Variants in PAX2 observed in about 807,000 individuals in gnomAD.
The protein encoded by PAX2 is paired box 2, also known as paired box protein Pax-2.
PAX2 carries 9 observed loss-of-function variants against 41.7 expected under a neutral mutation model. The ratio of observed to expected loss-of-function variants is 0.22; its 90% CI spans 0.13 to 0.38. The LOEUF (loss-of-function observed/expected upper bound fraction) is 0.38, where lower values mean the gene tolerates loss of function less well. Among genes scored for constraint, PAX2 ranks in the 10% least tolerant of loss-of-function variants. The pLI is 1.00. For missense variants in PAX2, 418 were observed against 531.6 expected (o/e 0.79, Z 2.10); for synonymous variants, 221 against 212.7 (o/e 1.04, Z -0.34).
intron 3 of PAX2, among the ~76,000 whole-genome samples, chr10:100,760,467 C>A (rs1056116565): frequency 6.6e-6 from 1 of 152,186 alleles, no homozygotes; most frequent in African/African-American, 2.4e-5. Flanking sequence ...AGTCTGTGTG[C>A]ATGCACAAGT....
exon 1 of PAX2, chr10:100,735,529 C>T: frequency 2.9e-6 from 1 of 339,432 alleles, no homozygotes; most frequent in Non-Finnish European, 4.6e-6. Context: ...AGAGCGGGCG[C>T]GGGCGGAGCA....
intron 3 of PAX2, among the ~76,000 whole-genome samples, chr10:100,769,649 TAAA>T (rs1375914507): frequency 1.4e-5 from 2 of 147,296 alleles, no homozygotes; most frequent in Non-Finnish European, 3.0e-5. Flanking sequence ...TAAAATAAAA[TAAA>T]ATAAAATAAA....
intron 5 of PAX2, among the ~76,000 whole-genome samples, chr10:100,799,003 AG>A (rs1190167928): frequency 6.6e-6 from 1 of 152,264 alleles, no homozygotes; most frequent in African/African-American, 2.4e-5. Context: ...CTCACTACCG[AG>A]GAGAACAATT....
Position 100,829,723 on chromosome 10 carries a change from G to T in PAX2, c.*2104G>T, listed in dbSNP as rs1013536362. 1 of 202,068 alleles carries T rather than the reference G, an allele frequency of 4.9e-6. No homozygotes were observed. Among genetic ancestry groups the T allele is most frequent in the Non-Finnish European group, 1.0e-5 (1 of 97,680 alleles). The allele number at this position is 202,068 out of a possible 1,614,324, so 12.5% of individuals were successfully genotyped here. A position where few individuals can be genotyped will look rare whatever the true frequency, so the allele number is the denominator to read the frequency against. On this transcript the variant is annotated 3_prime_UTR_variant, in exon 10 of 10. Coordinates refer to ENST00000355243, the MANE Select transcript of PAX2 (RefSeq NM_000278.5). ...GCTCCAGTGGCCCGAACGGGGCGGC[G>T]AGGGCGGCGAGGGCGCCGAGGTCCG...
intron 3 of PAX2, among the ~76,000 whole-genome samples, chr10:100,755,138 A>G (rs1258689104): frequency 6.6e-6 from 1 of 152,248 alleles, no homozygotes; most frequent in African/African-American, 2.4e-5. Context: ...TGAAACAGGC[A>G]TGATGGTTGA....
intron 3 of PAX2, among the ~76,000 whole-genome samples, chr10:100,755,510 A>C (rs1201581523): frequency 6.6e-6 from 1 of 152,232 alleles, no homozygotes; most frequent in East Asian, 1.9e-4. Context: ...CAATCACATC[A>C]AATATGAAGA....
chr10:100,747,480 C>T, intron 1 of PAX2: 2 of 294,214 alleles, frequency 6.8e-6, no homozygotes, highest in Non-Finnish European at 1.0e-5. Context: ...TTTTTGCAGG[C>T]TTTTTTTTTT....
At chr10:100,812,725 T>C (rs554864629) in intron 7 of PAX2, among the ~76,000 whole-genome samples, 1 of 152,326 alleles carries the variant, frequency 6.6e-6, no homozygotes, top group South Asian at 2.1e-4. Context: ...CAAAGGAGCA[T>C]GCAGAGACAC....
chr10:100,817,896 GT>G (rs2133972608), intron 7 of PAX2, among the ~76,000 whole-genome samples: 1 of 152,326 alleles, frequency 6.6e-6, no homozygotes, highest in Admixed American at 6.5e-5. Context: ...TGTTACTTTA[GT>G]GTAATAGATA....
chr10:100,828,148 C>T lies in PAX2; in HGVS notation c.*529C>T, dbSNP rs1848654803. 4.3e-6 allele frequency: 1 copy of T among 231,950 alleles called. No individual in the cohort carries two copies. The highest frequency in any genetic ancestry group is 8.5e-6 in the Non-Finnish European group (1 of 117,408). 14.4% of individuals were successfully genotyped at this position (231,950 alleles called of 1,614,324 possible). A position where few individuals can be genotyped will look rare whatever the true frequency, so the allele number is the denominator to read the frequency against. ...ACGACTTTCTGCAGGAGGAAGAGCC[C>T]GCTGCCGAATCCCTGGGAAAAATTC... On this transcript the variant is annotated 3_prime_UTR_variant, in exon 10 of 10. Transcript: ENST00000355243. This position sits in a 1 kb window ranked among gnomAD's most constrained non-coding sequence, Gnocchi z 6.5.
At position 100,824,222 on chromosome 10, in the gene PAX2, T is replaced by G. The variant is rs1848462100; in HGVS notation, c.920-426T>G. On this transcript the variant is annotated intron_variant, in intron 7 of 9. Coordinates refer to ENST00000355243, the MANE Select transcript of PAX2 (RefSeq NM_000278.5). The surrounding 1 kb of genome is among the most constrained non-coding windows in gnomAD (Gnocchi z 6.6). ...TTAGGGAGAGGAAAGATAAGCAAGA[T>G]GATAGAGGTCCATTTGGCTGCTGGA... 6.6e-6 allele frequency among the ~76,000 whole-genome samples: 1 copy of G among 151,948 alleles called. No individual in the cohort carries two copies. Among genetic ancestry groups the G allele is most frequent in the South Asian group, 2.1e-4 (1 of 4,828 alleles).
At chr10:100,823,364 C>T (rs757067971) in intron 7 of PAX2, among the ~76,000 whole-genome samples, 9 of 152,110 alleles carry the variant, frequency 5.9e-5, no homozygotes, top group African/African-American at 2.2e-4. Context: ...GGATAAATCA[C>T]TCAGACGTGT....
upstream of PAX2, among the ~76,000 whole-genome samples, chr10:100,742,901 A>G (rs57658556): frequency 2.3e-4 from 19 of 82,682 alleles, no homozygotes; most frequent in African/African-American, 9.0e-4. Flanking sequence ...GCTTCCCCCC[A>G]CCCCTCTACT....
upstream of PAX2, among the ~76,000 whole-genome samples, chr10:100,741,427 A>C (rs1306621227): frequency 8.8e-6 from 1 of 114,120 alleles, no homozygotes; most frequent in Non-Finnish European, 1.9e-5. Flanking sequence ...AAAAAAAAAA[A>C]AAACCATCCT....
intron 1 of PAX2, among the ~76,000 whole-genome samples, chr10:100,739,521 G>T (rs1844882284): frequency 1.3e-5 from 2 of 152,040 alleles, no homozygotes; most frequent in Admixed American, 6.5e-5. Flanking sequence ...GGGTCCTCCC[G>T]CCCCTCTCCA....
intron 3 of PAX2, among the ~76,000 whole-genome samples, chr10:100,777,211 C>T (rs1846425454): frequency 1.3e-5 from 2 of 151,044 alleles, no homozygotes; most frequent in South Asian, 2.1e-4. Context: ...AAGCGATTCT[C>T]CTGCCTCAGC....
rs915516157 is a variant in PAX2 at position 100,747,570 on chromosome 10, A to C, written c.43+1267A>C. The C allele has an allele frequency of 1.6e-5, 16 of 976,648 alleles. No individual in the cohort carries two copies. The South Asian group carries it at 5.7e-4, about 35-fold the overall frequency. 60.5% of individuals were successfully genotyped at this position (976,648 alleles called of 1,614,324 possible). A position where few individuals can be genotyped will look rare whatever the true frequency, so the allele number is the denominator to read the frequency against. On this transcript the variant is annotated intron_variant, in intron 1 of 9. Transcript: ENST00000355243. ...GGATAATTTGTAACTTTTCACAAGG[A>C]AACTTTAGACCCGGCTTGGACCTGT...
intron 2 of PAX2, 69 bp downstream of exon 2, chr10:100,749,983 G>T: frequency 6.5e-7 from 1 of 1,546,878 alleles, no homozygotes; most frequent in South Asian, 1.2e-5. Context: ...GTCTCCAGCT[G>T]GAGGACGTGG....
chr10:100,757,500 G>C (rs980989667), intron 3 of PAX2, among the ~76,000 whole-genome samples: 2 of 152,240 alleles, frequency 1.3e-5, no homozygotes, highest in African/African-American at 4.8e-5. Flanking sequence ...GCGACCAGCT[G>C]TCCATCCTTA....
Sources: allele counts gnomAD v4.1 joint callset (sites outside exome capture counted in the v4.1 genomes callset), GRCh38; gene constraint gnomAD v4.1.1; non-coding constraint Gnocchi (gnomAD v3.1); transcripts MANE v1.5; gene names NCBI Gene and HGNC (gene_info 2026-07-23, HGNC 2026-07-21).